KCNJ6: variants seen among roughly 807,000 people sequenced by gnomAD.
KCNJ6 encodes the protein potassium inwardly rectifying channel subfamily J member 6, also known as G protein-activated inward rectifier potassium channel 2.
Under a neutral mutation model 34.2 loss-of-function variants are expected in KCNJ6, and 9 were observed. The ratio of observed to expected loss-of-function variants is 0.26; its 90% confidence interval spans 0.16 to 0.46. The LOEUF (loss-of-function observed/expected upper bound fraction) is 0.46, where lower values mean the gene tolerates loss of function less well. Ranked by LOEUF, KCNJ6 falls within the 20% of genes least tolerant of loss-of-function variation. KCNJ6 has a pLI of 1.00. For missense variants in KCNJ6, 236 were observed against 531.3 expected (o/e 0.44, Z 5.46); for synonymous variants, 196 against 207.1 (o/e 0.95, Z 0.46).
chr21:37,825,493 C>T (rs2055394501), intron 2 of KCNJ6, among the ~76,000 whole-genome samples: 2 of 152,204 alleles, frequency 1.3e-5, no homozygotes, highest in African/African-American at 4.8e-5. Context: ...GTCTAGCACT[C>T]AATACCTCAC....
In KCNJ6 at chr21:37,621,227, A is replaced by G. The variant is rs191689010; in HGVS notation, c.*3932T>C. On this transcript the variant is annotated 3_prime_UTR_variant, in exon 4 of 4. Transcript: ENST00000609713. The stretch of plus-strand genomic sequence containing the variant: ...CAAGTCAAGGAAAGAAAGACTGAAG[A>G]GTAGCCAGACTATTAGCAAACTGTT... 6.6e-6 allele frequency: 1 copy of G among 152,354 alleles called. No homozygotes were observed. Among genetic ancestry groups the G allele is most frequent in the East Asian group, 1.9e-4 (1 of 5,188 alleles). The allele number at this position is 152,354 out of a possible 1,614,324, so 9.4% of individuals were successfully genotyped here. A position where few individuals can be genotyped will look rare whatever the true frequency, so the allele number is the denominator to read the frequency against.
intron 1 of KCNJ6, among the ~76,000 whole-genome samples, chr21:37,869,244 C>T (rs1032775438): frequency 1.4e-4 from 22 of 152,358 alleles, no homozygotes; most frequent in African/African-American, 3.6e-4. Context: ...ATGGCCTCCA[C>T]GGCCGAGCCC....
At chr21:37,852,199 G>T (rs1468113651) in intron 1 of KCNJ6, among the ~76,000 whole-genome samples, 3 of 152,238 alleles carry the variant, frequency 2.0e-5, no homozygotes, top group Non-Finnish European at 4.4e-5. Context: ...AGGGAAGACA[G>T]AGTGGAGATT....
intron 1 of KCNJ6, among the ~76,000 whole-genome samples, chr21:37,851,572 A>C (rs578253250): frequency 1.3e-5 from 2 of 152,328 alleles, no homozygotes; most frequent in East Asian, 3.9e-4. Flanking sequence ...AAGGGACAGA[A>C]GGTGACCCCT....
intron 2 of KCNJ6, among the ~76,000 whole-genome samples, chr21:37,755,588 G>A (rs1272638286): frequency 6.6e-6 from 1 of 152,236 alleles, no homozygotes; most frequent in Non-Finnish European, 1.5e-5. Context: ...GCAACTGAAG[G>A]AAGAGAGGAG....
intron 3 of KCNJ6, among the ~76,000 whole-genome samples, chr21:37,708,271 A>G (rs765554701): frequency 6.6e-6 from 1 of 152,236 alleles, no homozygotes; most frequent in Non-Finnish European, 1.5e-5. Context: ...AAGGAGTGGT[A>G]GAAAAGTTAA....
At chr21:37,638,634 C>CT (rs1330829673) in intron 3 of KCNJ6, among the ~76,000 whole-genome samples, 1 of 152,220 alleles carries the variant, frequency 6.6e-6, no homozygotes, top group Non-Finnish European at 1.5e-5. Context: ...GCTAGCTTTC[C>CT]TTTTAAGCCT....
chr21:37,675,550 C>T lies in KCNJ6; in HGVS notation c.946+38661G>A, dbSNP rs1285277156. Among the ~76,000 whole-genome samples, 1 of 152,248 alleles carries T rather than the reference C, an allele frequency of 6.6e-6. No homozygotes were observed. Among genetic ancestry groups the T allele is most frequent in the African/African-American group, 2.4e-5 (1 of 41,476 alleles). ...TCCCCAGCACCCCTGGGAGGAGCTG[C>T]TGCGATGACACCCAGTCCCTGGGCG... On this transcript the variant is annotated intron_variant, in intron 3 of 3. Transcript: ENST00000609713. The surrounding 1 kb of genome is among the most constrained non-coding windows in gnomAD (Gnocchi z 4.2).
chr21:37,743,227 G>T (rs761584476), intron 2 of KCNJ6, among the ~76,000 whole-genome samples: 13 of 152,154 alleles, frequency 8.5e-5, no homozygotes, highest in Non-Finnish European at 1.6e-4. Context: ...TGTCTGTGAT[G>T]GTACCTGAGA....
intron 1 of KCNJ6, among the ~76,000 whole-genome samples, chr21:37,892,113 C>A (rs1357471806): frequency 6.6e-6 from 1 of 152,190 alleles, no homozygotes; most frequent in Admixed American, 6.5e-5. Context: ...CATGTGGGAG[C>A]TTTTGAAACA....
chr21:37,676,695 G>A (rs2054566406), intron 3 of KCNJ6, among the ~76,000 whole-genome samples: 1 of 152,220 alleles, frequency 6.6e-6, no homozygotes, highest in African/African-American at 2.4e-5. Context: ...GGCCCAAGTG[G>A]GGACAGCAGC....
At chr21:37,871,829 A>AT (rs3838100) in intron 1 of KCNJ6, among the ~76,000 whole-genome samples, 67,009 of 152,064 alleles carry the variant, frequency 0.44, 16,146 homozygotes, top group East Asian at 0.61. Flanking sequence ...TTTTTCTTCT[A>AT]TTTTTTAACG....
intron 2 of KCNJ6, among the ~76,000 whole-genome samples, chr21:37,839,826 C>T (rs1251821487): frequency 1.3e-5 from 2 of 152,050 alleles, no homozygotes; most frequent in African/African-American, 4.8e-5. Flanking sequence ...TATTTTGAGA[C>T]CAGGTCTTGC....
chr21:37,728,680 A>ATG (rs372768229), intron 2 of KCNJ6, among the ~76,000 whole-genome samples: 137 of 144,506 alleles, frequency 9.5e-4, no homozygotes, highest in East Asian at 5.4e-3. Flanking sequence ...CTGGGTAGGT[A>ATG]TGTGTGTGTG....
rs532648557 is a variant in KCNJ6 at position 37,714,064 on chromosome 21, T to C, written c.946+147A>G. 1.1e-5 allele frequency: 7 copies of C among 665,070 alleles called. No homozygotes were observed. Among genetic ancestry groups the C allele is most frequent in the African/African-American group, 8.9e-5 (5 of 55,882 alleles). 41.2% of individuals were successfully genotyped at this position (665,070 alleles called of 1,614,324 possible). A position where few individuals can be genotyped will look rare whatever the true frequency, so the allele number is the denominator to read the frequency against. ...TGGTGGATATACTTCAGGTGAGACA[T>C]GTAGGCATACTATGTCATGAAGCAA... On this transcript the variant is annotated intron_variant, in intron 3 of 3. Transcript: ENST00000609713. This position sits in a 1 kb window ranked among gnomAD's most constrained non-coding sequence, Gnocchi z 5.9.
chr21:37,816,567 C>T (rs988886411), intron 2 of KCNJ6, among the ~76,000 whole-genome samples: 3 of 152,206 alleles, frequency 2.0e-5, no homozygotes, highest in Non-Finnish European at 4.4e-5. Context: ...ATAACATCAT[C>T]CTGATGCTGG....
At position 37,615,071 on chromosome 21, in the gene KCNJ6, G is replaced by A. The variant is rs2054261269; in HGVS notation, c.*10088C>T. 2 of 152,068 alleles carry A rather than the reference G, an allele frequency of 1.3e-5. No individual in the cohort carries two copies. Among genetic ancestry groups the A allele is most frequent in the Admixed American group, 1.3e-4 (2 of 15,264 alleles). The allele number at this position is 152,068 out of a possible 1,614,324, so 9.4% of individuals were successfully genotyped here. On this transcript the variant is annotated 3_prime_UTR_variant, in exon 4 of 4. Coordinates refer to ENST00000609713, the MANE Select transcript of KCNJ6 (RefSeq NM_002240.5). ...CTTACAGTGCAGTTGTCGAGATTGC[G>A]GAAAGTTCTCATCTACCCTCTAATG... is the stretch of plus-strand genomic sequence containing the variant.
intron 2 of KCNJ6, among the ~76,000 whole-genome samples, chr21:37,719,990 T>TCA (rs2054816153): frequency 6.6e-6 from 1 of 151,968 alleles, no homozygotes; most frequent in Non-Finnish European, 1.5e-5. Context: ...GACTTTTTAA[T>TCA]GTCGTGGGGA....
At chr21:37,877,601 A>C (rs2123619369) in intron 1 of KCNJ6, among the ~76,000 whole-genome samples, 1 of 149,178 alleles carries the variant, frequency 6.7e-6, no homozygotes, top group African/African-American at 2.5e-5. Flanking sequence ...CTAGGCTAAC[A>C]GGCCACCGAG....
Sources: gnomAD v4.1 joint callset for allele counts (sites outside exome capture counted in the v4.1 genomes callset) on GRCh38, gnomAD v4.1.1 for gene constraint, Gnocchi (gnomAD v3.1) non-coding constraint, MANE v1.5 for transcripts, NCBI Gene and HGNC (gene_info 2026-07-23, HGNC 2026-07-21) for gene names.